Variants in STK31 observed in about 807,000 individuals in gnomAD.
The protein encoded by STK31 is serine/threonine-protein kinase 31.
Under a neutral mutation model 129.7 loss-of-function variants are expected in STK31, and 89 were observed. That is an observed-to-expected ratio of 0.69 (90% confidence interval 0.58 to 0.82). The LOEUF (loss-of-function observed/expected upper bound fraction) is 0.82, where lower values mean the gene tolerates loss of function less well. STK31 is among the 40% of genes least tolerant of loss of function. The probability of loss-of-function intolerance (pLI) is 0.00; values close to 1 mark genes in which losing one functional copy is unlikely to be tolerated. For missense variants in STK31, 1,187 were observed against 1,176.4 expected (o/e 1.01, Z -0.13); for synonymous variants, 448 against 395.3 (o/e 1.13, Z -1.58).
intron 23 of STK31, 92 bp from the exon 24 acceptor site, chr7:23,832,044 C>A: frequency 1.2e-6 from 1 of 865,480 alleles, no homozygotes; most frequent in Non-Finnish European, 1.8e-6. Flanking sequence ...TCCTTCCTGA[C>A]TGTATTTATT....
intron 22 of STK31, among the ~76,000 whole-genome samples, chr7:23,793,745 A>T (rs1340117376): frequency 2.0e-5 from 3 of 152,238 alleles, no homozygotes; most frequent in Non-Finnish European, 4.4e-5. Flanking sequence ...ACGGTTGCTT[A>T]GATCTGTTGT....
intron 23 of STK31, among the ~76,000 whole-genome samples, chr7:23,822,753 C>T (rs1793864770): frequency 6.6e-6 from 1 of 151,694 alleles, no homozygotes; most frequent in African/African-American, 2.4e-5. Flanking sequence ...TCCCTCCCAC[C>T]ACCCCACAAC....
intron 6 of STK31, among the ~76,000 whole-genome samples, chr7:23,730,878 A>ATATTTTTTTTTTTTT: frequency 1.2e-4 from 7 of 59,542 alleles, no homozygotes; most frequent in Non-Finnish European, 1.6e-4. Context: ...ATATATATAT[A>ATATTTTTTTTTTTTT]TTTTTTTTTT....
chr7:23,727,556 C>CTTTTTTTTTTTTTTTT (rs58066410), intron 5 of STK31: 3 of 125,358 alleles, frequency 2.4e-5, no homozygotes, highest in African/African-American at 5.7e-5. Context: ...TACCTCAGTT[C>CTTTTTTTTTTTTTTTT]TTTTTTTTTT....
intron 15 of STK31, among the ~76,000 whole-genome samples, chr7:23,776,573 C>T (rs1463858280): frequency 3.9e-5 from 6 of 152,080 alleles, no homozygotes; most frequent in Admixed American, 2.0e-4. Context: ...GTGTATGTGT[C>T]CAGGAATTTT....
chr7:23,741,721 G>T (rs1408795744), intron 8 of STK31, among the ~76,000 whole-genome samples: 1 of 152,224 alleles, frequency 6.6e-6, no homozygotes, highest in South Asian at 2.1e-4. Context: ...TAACTAGAGA[G>T]GGTGGGGCCC....
Position 23,769,646 on chromosome 7 carries a change from GAC to G in STK31, c.1604_1605del (p.Asp535AlafsTer15). The G allele has an allele frequency of 6.2e-7, 1 of 1,604,086 alleles. No homozygotes were observed. The highest frequency in any genetic ancestry group is 8.5e-7 in the Non-Finnish European group (1 of 1,174,708). On this transcript the variant is annotated frameshift_variant, in exon 13 of 24. Coordinates refer to ENST00000355870, the MANE Select transcript of STK31 (RefSeq NM_031414.5). LOFTEE classifies it high-confidence loss of function. ...AWFQRTLKVF[D>X]LSVEGSLISE... ...GTTTATTTTTGCAAATGAGGTTTTT[GAC>G]CTATCTGTGGAAGGATCACTGATTT...
intron 8 of STK31, among the ~76,000 whole-genome samples, 179 bp downstream of exon 8, chr7:23,737,257 T>C (rs989112628): frequency 6.6e-6 from 1 of 152,232 alleles, no homozygotes; most frequent in African/African-American, 2.4e-5. Flanking sequence ...CATCTTTGGA[T>C]TTCATTGGAT....
intron 22 of STK31, among the ~76,000 whole-genome samples, chr7:23,798,131 C>T (rs1792093091): frequency 6.6e-6 from 1 of 152,078 alleles, no homozygotes; most frequent in African/African-American, 2.4e-5. Context: ...CAAAAAAAGT[C>T]CAGGACCAGA....
rs73080998 is a variant in STK31, at chr7:23,760,014, C to T, written c.1294-2787C>T. 7.3e-3 allele frequency among the ~76,000 whole-genome samples: 1,115 copies of T among 152,194 alleles called. 5 individuals carry two copies. Among genetic ancestry groups the T allele is most frequent in the South Asian group, 0.027 (132 of 4,820 alleles). Reference sequence around the variant, plus strand: ...TACTATTAATTAGTGTCTGAGTCACCTATTGTTGGGAGGTAGTTGTTTGTG... The same window carrying T: ...TACTATTAATTAGTGTCTGAGTCACTTATTGTTGGGAGGTAGTTGTTTGTG... On this transcript the variant is annotated intron_variant, in intron 10 of 23. Transcript: ENST00000355870.
chr7:23,793,563 A>C (rs892332442), intron 22 of STK31, among the ~76,000 whole-genome samples: 1 of 152,238 alleles, frequency 6.6e-6, no homozygotes, highest in Non-Finnish European at 1.5e-5. Flanking sequence ...CCAGTTAAGA[A>C]ATGGGCAAAA....
chr7:23,745,733 C>T (rs1788311888), intron 8 of STK31, among the ~76,000 whole-genome samples: 1 of 152,130 alleles, frequency 6.6e-6, no homozygotes, highest in South Asian at 2.1e-4. Flanking sequence ...GGGTTCCTGC[C>T]AGTGGCTTGC....
At chr7:23,723,954 G>T (rs368998831) in intron 4 of STK31, among the ~76,000 whole-genome samples, 1 of 152,110 alleles carries the variant, frequency 6.6e-6, no homozygotes, top group Non-Finnish European at 1.5e-5. Flanking sequence ...AAATTCTCTC[G>T]GCCCGGAGGA....
At chr7:23,721,764 A>G (rs1024743102) in intron 4 of STK31, 3 of 693,728 alleles carry the variant, frequency 4.3e-6, no homozygotes, top group Non-Finnish European at 8.1e-6. Context: ...TTCCTTTCCC[A>G]AGTGTTTTGT....
At chr7:23,719,296 A>C (rs78660981) in intron 4 of STK31, among the ~76,000 whole-genome samples, 20,810 of 152,114 alleles carry the variant, frequency 0.14, 1,505 homozygotes, top group East Asian at 0.23. Context: ...ACACTTTGCC[A>C]AGGCCAAAGA....
At chr7:23,742,962 T>A (rs1238020088) in intron 8 of STK31, among the ~76,000 whole-genome samples, 1 of 150,360 alleles carries the variant, frequency 6.7e-6, no homozygotes, top group East Asian at 1.9e-4. Context: ...CTTTTTTTTT[T>A]TTTTTTTTGA....
chr7:23,721,105 A>G (rs1786661817), intron 4 of STK31, among the ~76,000 whole-genome samples: 1 of 152,242 alleles, frequency 6.6e-6, no homozygotes, highest in Non-Finnish European at 1.5e-5. Flanking sequence ...CTAAAACAGC[A>G]TTCTTCCAAG....
chr7:23,747,810 C>T (rs557281781), intron 8 of STK31, among the ~76,000 whole-genome samples: 3 of 151,934 alleles, frequency 2.0e-5, no homozygotes, highest in African/African-American at 7.2e-5. Context: ...GTACTGATGC[C>T]CTCTCTTTCA....
At chr7:23,728,906 A>G (rs1787237304) in intron 5 of STK31, among the ~76,000 whole-genome samples, 185 bp from the exon 6 acceptor site, 1 of 152,172 alleles carries the variant, frequency 6.6e-6, no homozygotes, top group Non-Finnish European at 1.5e-5. Context: ...CTGTAATTTC[A>G]TGGACTGTGG....
Sources: gnomAD v4.1 joint callset for allele counts (sites outside exome capture counted in the v4.1 genomes callset) on GRCh38, gnomAD v4.1.1 for gene constraint, MANE v1.5 for transcripts, NCBI Gene and HGNC (gene_info 2026-07-23, HGNC 2026-07-21) for gene names.